The following ZNF804B variants were observed in gnomAD, a reference collection of about 807,000 sequenced individuals.
ZNF804B encodes zinc finger 804B.
In ZNF804B, 80 loss-of-function variants were observed where a neutral mutation model predicts 101.4. The observed-to-expected ratio is 0.79, with a 90% CI of 0.66 to 0.95. ZNF804B has a LOEUF of 0.95. Ranked by LOEUF, ZNF804B falls within the 40% of genes least tolerant of loss-of-function variation. ZNF804B has a pLI of 0.00. For missense variants in ZNF804B, 1,673 were observed against 1,561.9 expected, an observed-to-expected ratio of 1.07 and a Z score of -1.20; for synonymous variants, 622 against 558.8, an observed-to-expected ratio of 1.11 and a Z score of -1.59.
chr7:89,247,602 GA>G (rs923340855), intron 2 of ZNF804B, among the ~76,000 whole-genome samples: 3 of 151,446 alleles, frequency 2.0e-5, no homozygotes, highest in Non-Finnish European at 2.9e-5. Flanking sequence ...TAAAGAAAAA[GA>G]AAAAAAATCT....
At position 88,882,692 on chromosome 7, in the gene ZNF804B, A is replaced by C. The variant is rs530029398; in HGVS notation, c.108+122608A>C. Among the ~76,000 whole-genome samples the C allele has an allele frequency of 5.3e-4, 80 of 152,258 alleles. No individual in the cohort carries two copies. The South Asian group carries it at 0.016, about 30-fold the overall frequency. ...ATGCGCCATGGAAAAGAATGAGATC[A>C]TGTCATTTGTGGCAACACGAGTGCA... On this transcript the variant is annotated intron_variant, in intron 1 of 3. Transcript: ENST00000333190.
intron 2 of ZNF804B, among the ~76,000 whole-genome samples, chr7:89,298,192 T>A (rs1046154908): frequency 8.2e-6 from 1 of 121,660 alleles, no homozygotes; most frequent in East Asian, 2.4e-4. Context: ...TGTGTATATA[T>A]ATCTATATAG....
intron 1 of ZNF804B, among the ~76,000 whole-genome samples, chr7:89,197,740 G>A (rs1236309156): frequency 6.6e-6 from 1 of 151,520 alleles, no homozygotes; most frequent in Non-Finnish European, 1.5e-5. Flanking sequence ...TCCTTTTCTT[G>A]TTATAATAGT....
intron 2 of ZNF804B, among the ~76,000 whole-genome samples, chr7:89,269,834 ATGTGT>A (rs1554387029): frequency 1.3e-5 from 2 of 152,064 alleles, no homozygotes; most frequent in Non-Finnish European, 2.9e-5. Flanking sequence ...GTAAGTTTTC[ATGTGT>A]CTGTTGGCTG....
intron 1 of ZNF804B, among the ~76,000 whole-genome samples, chr7:88,828,463 C>G (rs1308588124): frequency 6.6e-6 from 1 of 151,934 alleles, no homozygotes; most frequent in Admixed American, 6.6e-5. Context: ...TTTCCTCTGC[C>G]TGGGATCCTC....
intron 1 of ZNF804B, among the ~76,000 whole-genome samples, chr7:88,760,846 T>G (rs907280823): frequency 1.3e-5 from 2 of 148,694 alleles, no homozygotes; most frequent in Non-Finnish European, 3.0e-5. Context: ...CAAATATGTT[T>G]CAAGAAAATG....
intron 2 of ZNF804B, among the ~76,000 whole-genome samples, chr7:89,302,578 A>C (rs1403394141): frequency 2.0e-5 from 3 of 151,922 alleles, no homozygotes; most frequent in African/African-American, 7.2e-5. Flanking sequence ...ATGGGAGACC[A>C]TGCAGTCCTT....
intron 2 of ZNF804B, among the ~76,000 whole-genome samples, chr7:89,248,104 G>A (rs910625228): frequency 2.0e-5 from 3 of 152,114 alleles, no homozygotes; most frequent in Admixed American, 6.6e-5. Context: ...AATATGGGAT[G>A]ATGTAAAGCA....
rs1027981090 is a variant in ZNF804B at position 89,282,157 on chromosome 7, C to T, written c.250-45187C>T. ...CGGAGCTTGCAGTGAGCCGAGATCCCGCCACTGCACTCCAGCCTGGGCGAC... is the reference window on the plus strand; with the variant it reads ...CGGAGCTTGCAGTGAGCCGAGATCCTGCCACTGCACTCCAGCCTGGGCGAC... On this transcript the variant is annotated intron_variant, in intron 2 of 3. Coordinates refer to ENST00000333190, the MANE Select transcript of ZNF804B (RefSeq NM_181646.5). 6.1e-5 allele frequency among the ~76,000 whole-genome samples: 9 copies of T among 147,458 alleles called. No individual in the cohort carries two copies. The South Asian group carries it at 1.7e-3, about 28-fold the overall frequency.
chr7:88,794,831 G>A (rs753133276), intron 1 of ZNF804B: 2 of 1,613,618 alleles, frequency 1.2e-6, no homozygotes, highest in Non-Finnish European at 1.7e-6. Flanking sequence ...TGTAGTCGTT[G>A]TTTCTCTTCT....
At chr7:88,957,240 C>T (rs1412884682) in intron 1 of ZNF804B, among the ~76,000 whole-genome samples, 3 of 151,476 alleles carry the variant, frequency 2.0e-5, no homozygotes, top group African/African-American at 7.3e-5. Context: ...AGAGAACATA[C>T]TCACAGCTTG....
chr7:89,061,034 C>A (rs774785567), intron 1 of ZNF804B, among the ~76,000 whole-genome samples: 1 of 152,014 alleles, frequency 6.6e-6, no homozygotes, highest in South Asian at 2.1e-4. Flanking sequence ...AATTACCAAC[C>A]GTAGTAATAT....
At chr7:88,843,204 TTCAC>T (rs1447290786) in intron 1 of ZNF804B, among the ~76,000 whole-genome samples, 1 of 152,150 alleles carries the variant, frequency 6.6e-6, no homozygotes, top group Non-Finnish European at 1.5e-5. Flanking sequence ...AGTTCCATCA[TTCAC>T]TCAGTTATTG....
intron 1 of ZNF804B, among the ~76,000 whole-genome samples, chr7:89,123,047 T>C (rs1790427708): frequency 6.6e-6 from 1 of 152,034 alleles, no homozygotes; most frequent in East Asian, 1.9e-4. Context: ...GTGGTGTCTA[T>C]AAAACTTGTC....
intron 1 of ZNF804B, among the ~76,000 whole-genome samples, chr7:89,005,650 C>T (rs955096448): frequency 3.3e-5 from 5 of 152,072 alleles, no homozygotes; most frequent in African/African-American, 1.2e-4. Context: ...CACTTATTGA[C>T]TCTGATAGCA....
intron 1 of ZNF804B, among the ~76,000 whole-genome samples, chr7:88,900,198 A>G (rs150988523): frequency 6.6e-6 from 1 of 152,234 alleles, no homozygotes; most frequent in African/African-American, 2.4e-5. Context: ...TGATACAGCA[A>G]TAAGATTGTG....
intron 1 of ZNF804B, among the ~76,000 whole-genome samples, chr7:89,214,513 T>C (rs1385171087): frequency 6.6e-6 from 1 of 152,228 alleles, no homozygotes; most frequent in Non-Finnish European, 1.5e-5. Context: ...TGTGTAATTA[T>C]TTCAGAGAGT....
chr7:88,864,595 C>T (rs1310034745), intron 1 of ZNF804B, among the ~76,000 whole-genome samples: 1 of 152,156 alleles, frequency 6.6e-6, no homozygotes, highest in East Asian at 1.9e-4. Context: ...CTGCTGACTT[C>T]CTCTTGCCTC....
At chr7:89,137,301 TA>T (rs1028457684) in intron 1 of ZNF804B, among the ~76,000 whole-genome samples, 1 of 151,914 alleles carries the variant, frequency 6.6e-6, no homozygotes, top group African/African-American at 2.4e-5. Flanking sequence ...ATTTTCAATA[TA>T]TTTTTGTTAT....
Sources: allele counts gnomAD v4.1 joint callset (sites outside exome capture counted in the v4.1 genomes callset), GRCh38; gene constraint gnomAD v4.1.1; transcripts MANE v1.5; gene names NCBI Gene and HGNC (gene_info 2026-07-23, HGNC 2026-07-21).